GRID2: variants seen among roughly 807,000 people sequenced by gnomAD.
GRID2 encodes glutamate ionotropic receptor delta type subunit 2, also known as glutamate receptor ionotropic, delta-2.
In GRID2, 33 loss-of-function variants were observed where a neutral mutation model predicts 114.8. The ratio of observed to expected loss-of-function variants is 0.29; its 90% confidence interval spans 0.22 to 0.38. The LOEUF (loss-of-function observed/expected upper bound fraction) is 0.38, where lower values mean the gene tolerates loss of function less well. GRID2 is among the 10% of genes least tolerant of loss of function. The probability of loss-of-function intolerance (pLI) is 1.00; values close to 1 mark genes in which losing one functional copy is unlikely to be tolerated. For synonymous variants in GRID2, 505 were observed against 449.9 expected (o/e 1.12, Z -1.55); for missense variants, 1,184 against 1,257.7 (o/e 0.94, Z 0.89).
chr4:93,417,247 C>A (rs748076287), intron 9 of GRID2, among the ~76,000 whole-genome samples: 14 of 152,058 alleles, frequency 9.2e-5, no homozygotes, highest in Non-Finnish European at 2.1e-4. Flanking sequence ...CCCTAATCCC[C>A]TCTCTTGTAA....
At chr4:93,161,227 G>T (rs916463751) in intron 4 of GRID2, among the ~76,000 whole-genome samples, 1 of 151,902 alleles carries the variant, frequency 6.6e-6, no homozygotes, top group African/African-American at 2.4e-5. Context: ...GAGATTCTGA[G>T]AAACTTTTAT....
At chr4:93,469,030 A>T (rs1724550129) in intron 11 of GRID2, among the ~76,000 whole-genome samples, 1 of 152,124 alleles carries the variant, frequency 6.6e-6, no homozygotes, top group African/African-American at 2.4e-5. Context: ...TACTCTGCAG[A>T]TCAGACACAT....
intron 1 of GRID2, among the ~76,000 whole-genome samples, chr4:92,344,237 T>C (rs147187076): frequency 1.6e-4 from 24 of 152,292 alleles, no homozygotes; most frequent in African/African-American, 5.3e-4. Context: ...TGGGTTTCTT[T>C]AAGCACACCT....
chr4:93,092,348 G>A lies in GRID2; in HGVS notation c.529+7069G>A, dbSNP rs576414423. 3.3e-5 allele frequency among the ~76,000 whole-genome samples: 5 copies of A among 152,088 alleles called. No homozygotes were observed. In the South Asian group the frequency reaches 8.3e-4, roughly 25 times the overall value. ...GATCAGACTGGAACAATAATAACACGACCTAAAAAAGTATCTACAACACTT... is the reference window on the plus strand; with the variant it reads ...GATCAGACTGGAACAATAATAACACAACCTAAAAAAGTATCTACAACACTT... On this transcript the variant is annotated intron_variant, in intron 3 of 15. Transcript: ENST00000282020.
intron 10 of GRID2, among the ~76,000 whole-genome samples, chr4:93,451,663 G>A (rs900551526): frequency 6.6e-6 from 1 of 152,042 alleles, no homozygotes; most frequent in Non-Finnish European, 1.5e-5. Context: ...GACTGAAGAG[G>A]AAGAAAGGTA....
chr4:92,401,018 CTT>C (rs1553931241), intron 1 of GRID2, among the ~76,000 whole-genome samples: 1 of 152,080 alleles, frequency 6.6e-6, no homozygotes, highest in Non-Finnish European at 1.5e-5. Flanking sequence ...TTTGCAAAAA[CTT>C]TCTCCCATTC....
chr4:92,919,142 G>A lies in GRID2; in HGVS notation c.245-165853G>A, dbSNP rs539461295. 7.9e-5 allele frequency among the ~76,000 whole-genome samples: 12 copies of A among 152,224 alleles called. No individual in the cohort carries two copies. In the South Asian group the frequency reaches 2.5e-3, roughly 32 times the overall value. ...AGATTTTCTAGTTTATTTGTGTAGA[G>A]GTGTTTATACTATTCTCTGATGGTG... is the stretch of plus-strand genomic sequence containing the variant. On this transcript the variant is annotated intron_variant, in intron 2 of 15. Transcript: ENST00000282020.
intron 8 of GRID2, among the ~76,000 whole-genome samples, chr4:93,312,010 G>T (rs1303856805): frequency 2.6e-5 from 4 of 152,048 alleles, no homozygotes; most frequent in Non-Finnish European, 5.9e-5. Context: ...AAATTTTTAG[G>T]CAGGAGAGAT....
chr4:93,367,171 A>T (rs1762420648), intron 8 of GRID2, among the ~76,000 whole-genome samples: 1 of 148,338 alleles, frequency 6.7e-6, no homozygotes, highest in Non-Finnish European at 1.5e-5. Flanking sequence ...AACTTGAATT[A>T]TGGAGCCTGT....
At chr4:93,125,149 T>C (rs1734152553) in intron 4 of GRID2, among the ~76,000 whole-genome samples, 1 of 152,050 alleles carries the variant, frequency 6.6e-6, no homozygotes, top group Admixed American at 6.6e-5. Flanking sequence ...CAATGCTTAT[T>C]ACATTAAAAT....
At chr4:92,794,905 T>TACACACACACAC (rs1553928475) in intron 2 of GRID2, among the ~76,000 whole-genome samples, 4 of 127,812 alleles carry the variant, frequency 3.1e-5, no homozygotes, top group Non-Finnish European at 3.3e-5. Flanking sequence ...TATATATATA[T>TACACACACACAC]ACACACACAC....
At chr4:92,859,934 C>T (rs1744415785) in intron 2 of GRID2, among the ~76,000 whole-genome samples, 1 of 152,068 alleles carries the variant, frequency 6.6e-6, no homozygotes, top group Admixed American at 6.6e-5. Flanking sequence ...ATTAGCACCC[C>T]TCTAGTCATC....
intron 2 of GRID2, among the ~76,000 whole-genome samples, chr4:92,801,452 AGG>A (rs1740166327): frequency 5.3e-5 from 8 of 152,000 alleles, no homozygotes; most frequent in African/African-American, 1.9e-4. Flanking sequence ...ACCCCCATTA[AGG>A]TAAACATTGT....
intron 2 of GRID2, among the ~76,000 whole-genome samples, chr4:92,855,826 G>A (rs973715693): frequency 6.6e-6 from 1 of 151,890 alleles, no homozygotes; most frequent in Non-Finnish European, 1.5e-5. Context: ...GATCAATGGA[G>A]TACAAGAAGG....
chr4:93,748,517 T>C (rs1000787984), intron 14 of GRID2, among the ~76,000 whole-genome samples: 7 of 152,178 alleles, frequency 4.6e-5, no homozygotes, highest in African/African-American at 1.7e-4. Flanking sequence ...TGTAATTAGT[T>C]GAAACTTGTC....
chr4:92,906,313 C>A (rs1003154295), intron 2 of GRID2, among the ~76,000 whole-genome samples: 3 of 150,616 alleles, frequency 2.0e-5, no homozygotes, highest in African/African-American at 7.3e-5. Context: ...AACTGGTGTT[C>A]TTGCTGTGCT....
intron 14 of GRID2, among the ~76,000 whole-genome samples, chr4:93,708,638 T>C (rs1728213651): frequency 1.3e-5 from 2 of 151,996 alleles, no homozygotes; most frequent in Admixed American, 1.3e-4. Flanking sequence ...TATGTCTTTT[T>C]ATTGGAAAGT....
chr4:93,131,842 T>A (rs1368669119), intron 4 of GRID2, among the ~76,000 whole-genome samples: 1 of 152,162 alleles, frequency 6.6e-6, no homozygotes, highest in Non-Finnish European at 1.5e-5. Context: ...ATGGATCTGT[T>A]TTTTCTTTTT....
In GRID2 at chr4:92,648,498, T is replaced by C. The variant is rs1449191171; in HGVS notation, c.244+58212T>C. Among the ~76,000 whole-genome samples the C allele has an allele frequency of 1.3e-5, 2 of 149,764 alleles. 1 individual carries two copies. The highest frequency in any genetic ancestry group is 3.0e-5 in the Non-Finnish European group (2 of 67,630). On this transcript the variant is annotated intron_variant, in intron 2 of 15. Coordinates refer to ENST00000282020, the MANE Select transcript of GRID2 (RefSeq NM_001510.4). Reference sequence around the variant, plus strand: ...ACATACATTTATCAAGCACTTAGCATGTATCGAGCATGGCTGTTAATGCTG... The same window carrying C: ...ACATACATTTATCAAGCACTTAGCACGTATCGAGCATGGCTGTTAATGCTG...
Sources: allele counts gnomAD v4.1 joint callset (sites outside exome capture counted in the v4.1 genomes callset), GRCh38; gene constraint gnomAD v4.1.1; transcripts MANE v1.5; gene names NCBI Gene and HGNC (gene_info 2026-07-23, HGNC 2026-07-21).